ERCC6L2: variants seen among roughly 807,000 people sequenced by gnomAD.
ERCC6L2 encodes ERCC excision repair 6 like 2.
Under a neutral mutation model 132.0 loss-of-function variants are expected in ERCC6L2, and 77 were observed. The ratio of observed to expected loss-of-function variants is 0.58; its 90% CI spans 0.49 to 0.71. ERCC6L2 has a LOEUF of 0.71. Among genes scored for constraint, ERCC6L2 ranks in the 30% least tolerant of loss-of-function variants. The probability of loss-of-function intolerance (pLI) is 0.00; values close to 1 mark genes in which losing one functional copy is unlikely to be tolerated. For synonymous variants in ERCC6L2, 583 were observed against 632.4 expected (o/e 0.92, Z 1.17); for missense variants, 1,542 against 1,837.6 (o/e 0.84, Z 2.94).
intron 3 of ERCC6L2, chr9:95,904,975 T>C (rs1828959929): frequency 6.6e-6 from 1 of 152,168 alleles, no homozygotes; most frequent in Non-Finnish European, 1.5e-5. Flanking sequence ...TATTTTAGCT[T>C]CAGAATAAGA....
intron 6 of ERCC6L2, among the ~76,000 whole-genome samples, chr9:95,920,123 G>A (rs988970557): frequency 6.6e-6 from 1 of 152,172 alleles, no homozygotes; most frequent in African/African-American, 2.4e-5. Context: ...TTTTTTTAGA[G>A]AAATGAAAAG....
intron 9 of ERCC6L2, among the ~76,000 whole-genome samples, chr9:95,925,233 A>G (rs1346434781): frequency 6.6e-6 from 1 of 152,152 alleles, no homozygotes; most frequent in Non-Finnish European, 1.5e-5. Context: ...CTATCATTCA[A>G]GGGGTTAGTC....
rs1554741158 is a variant in ERCC6L2, at chr9:95,907,834, C to CACACACACAA, written c.788+572_788+573insAACACACACA. Among the ~76,000 whole-genome samples the CACACACACAA allele has an allele frequency of 5.8e-3, 664 of 114,482 alleles. 5 individuals carry two copies. Among genetic ancestry groups the CACACACACAA allele is most frequent in the South Asian group, 9.7e-3 (26 of 2,676 alleles). 75.1% of individuals were successfully genotyped at this position (114,482 alleles called of 152,430 possible). A position where few individuals can be genotyped will look rare whatever the true frequency, so the allele number is the denominator to read the frequency against. Reference sequence around the variant, plus strand: ...TATAGAGGGGCAAAAACTACACACACACACACACACACACACACACACCCC... The same window carrying CACACACACAA: ...TATAGAGGGGCAAAAACTACACACACACACACACAAACACACACACACACACACACACCCC... On this transcript the variant is annotated intron_variant, in intron 4 of 18. Coordinates refer to ENST00000653738, the MANE Select transcript of ERCC6L2 (RefSeq NM_020207.7).
chr9:95,883,878 A>T (rs908431019), intron 2 of ERCC6L2, among the ~76,000 whole-genome samples: 2 of 152,184 alleles, frequency 1.3e-5, no homozygotes, highest in African/African-American at 4.8e-5. Flanking sequence ...AAGAAGAAAC[A>T]TGAGGGTACT....
At chr9:95,948,416 G>A (rs960272138) in intron 12 of ERCC6L2, among the ~76,000 whole-genome samples, 1 of 152,184 alleles carries the variant, frequency 6.6e-6, no homozygotes, top group Admixed American at 6.5e-5. Context: ...ATTTTGGGAG[G>A]CCAGGGCGGG....
chr9:95,948,804 A>AACAG (rs1831190676), intron 12 of ERCC6L2, among the ~76,000 whole-genome samples: 5 of 144,038 alleles, frequency 3.5e-5, no homozygotes, highest in Non-Finnish European at 7.6e-5. Context: ...AAAAAAAAAA[A>AACAG]AAAAGAAAAG....
At chr9:95,946,433 CAGG>C (rs1309165624) in intron 12 of ERCC6L2, among the ~76,000 whole-genome samples, 4 of 152,118 alleles carry the variant, frequency 2.6e-5, no homozygotes, top group African/African-American at 9.7e-5. Flanking sequence ...GAGGCTGAGG[CAGG>C]AGAATGGCGT....
rs544480252 is a variant in ERCC6L2 at position 96,027,498 on chromosome 9, A to T, written c.*1504-11378A>T. On this transcript the variant is annotated intron_variant and NMD_transcript_variant, in intron 19 of 20. Coordinates refer to the ERCC6L2 transcript ENST00000670016. ...GCCCGGCTCAGTCACCCGCCCTGGG[A>T]GAAGGCGGCCCGGTTGGAAAGTTGA... 3.4e-4 allele frequency among the ~76,000 whole-genome samples: 52 copies of T among 152,224 alleles called. 1 individual carries two copies. In the South Asian group the frequency reaches 0.011, roughly 32 times the overall value.
chr9:95,895,751 A>AGC (rs143825503), intron 2 of ERCC6L2, among the ~76,000 whole-genome samples: 9,347 of 145,044 alleles, frequency 0.064, 387 homozygotes, highest in Non-Finnish European at 0.09. Flanking sequence ...TTTTTGAGAC[A>AGC]GAGTCTTGCT....
intron 2 of ERCC6L2, among the ~76,000 whole-genome samples, chr9:95,892,132 A>G (rs1828203279): frequency 6.6e-6 from 1 of 152,122 alleles, no homozygotes; most frequent in Non-Finnish European, 1.5e-5. Context: ...TATTATTTCT[A>G]TATGTTATTC....
intron 18 of ERCC6L2, among the ~76,000 whole-genome samples, chr9:96,007,476 C>T (rs117920326): frequency 1.3e-5 from 2 of 152,190 alleles, no homozygotes; most frequent in East Asian, 3.9e-4. Flanking sequence ...ATGAAGGGGT[C>T]ACTGAAGATT....
At chr9:95,878,647 C>T (rs1587829885) in intron 1 of ERCC6L2, among the ~76,000 whole-genome samples, 1 of 150,162 alleles carries the variant, frequency 6.7e-6, no homozygotes, top group African/African-American at 2.5e-5. Context: ...TAAAGCTATC[C>T]CTCCCCCCTT....
chr9:95,919,886 C>T (rs1008418782), intron 6 of ERCC6L2, among the ~76,000 whole-genome samples: 1 of 152,154 alleles, frequency 6.6e-6, no homozygotes, highest in African/African-American at 2.4e-5. Context: ...AGGAATTAAT[C>T]GAAGATGACT....
chr9:95,897,564 TAAG>T (rs1266264189), intron 2 of ERCC6L2, among the ~76,000 whole-genome samples: 9 of 152,168 alleles, frequency 5.9e-5, no homozygotes, highest in African/African-American at 1.2e-4. Flanking sequence ...TAGAAACAAA[TAAG>T]AAGGTAGTGT....
intron 11 of ERCC6L2, among the ~76,000 whole-genome samples, chr9:95,933,642 C>T (rs1203735879): frequency 2.0e-5 from 3 of 152,020 alleles, no homozygotes; most frequent in Non-Finnish European, 4.4e-5. Context: ...GTCAGGAGTT[C>T]GAGACCAGCC....
At chr9:95,969,099 A>G (rs1273680016) in intron 14 of ERCC6L2, among the ~76,000 whole-genome samples, 2 of 152,086 alleles carry the variant, frequency 1.3e-5, no homozygotes, top group African/African-American at 4.8e-5. Context: ...CTGAGGGAGG[A>G]ACATGCCCCG....
Position 96,007,114 on chromosome 9 carries a change from G to A in ERCC6L2, c.3674+2413G>A, listed in dbSNP as rs144451188. On this transcript the variant is annotated intron_variant, in intron 18 of 18. Coordinates refer to ENST00000653738, the MANE Select transcript of ERCC6L2 (RefSeq NM_020207.7). ...CTAAGCTGGACAAGGGAGGCTGATGGATAGTGTAAAAGCACAAGAGTCAGT... is the reference window on the plus strand; with the variant it reads ...CTAAGCTGGACAAGGGAGGCTGATGAATAGTGTAAAAGCACAAGAGTCAGT... Among the ~76,000 whole-genome samples, 119 of 152,338 alleles carry A rather than the reference G, an allele frequency of 7.8e-4. 2 individuals carry two copies. Among genetic ancestry groups the A allele is most frequent in the Middle Eastern group, 3.4e-3 (1 of 292 alleles).
At chr9:95,881,497 A>G (rs1182245639) in intron 2 of ERCC6L2, among the ~76,000 whole-genome samples, 1 of 152,192 alleles carries the variant, frequency 6.6e-6, no homozygotes, top group Non-Finnish European at 1.5e-5. Context: ...GTACCTATGA[A>G]ATATTTTATT....
chr9:95,991,298 AG>A (rs1833292237), intron 17 of ERCC6L2, among the ~76,000 whole-genome samples: 1 of 152,132 alleles, frequency 6.6e-6, no homozygotes, highest in East Asian at 1.9e-4. Flanking sequence ...ACATTCTTGC[AG>A]GAAAAAGAAA....
Sources: gnomAD v4.1 joint callset for allele counts (sites outside exome capture counted in the v4.1 genomes callset) on GRCh38, gnomAD v4.1.1 for gene constraint, MANE v1.5 for transcripts, NCBI Gene and HGNC (gene_info 2026-07-23, HGNC 2026-07-21) for gene names.